Variants in TNNI3K observed in about 807,000 individuals in gnomAD.
TNNI3K encodes the protein serine/threonine-protein kinase TNNI3K.
TNNI3K carries 140 observed loss-of-function variants against 114.5 expected under a neutral mutation model. The observed-to-expected ratio is 1.22, with a 90% CI of 1.07 to 1.41. TNNI3K has a LOEUF of 1.41. Among genes scored for constraint, TNNI3K ranks in the 40% most tolerant of loss-of-function variants. The pLI, the probability that TNNI3K is intolerant of heterozygous loss-of-function variation, is 0.00. For synonymous variants in TNNI3K, 347 were observed against 347.5 expected, an observed-to-expected ratio of 1.00 and a Z score of 0.02; for missense variants, 1,125 against 1,007.6, an observed-to-expected ratio of 1.12 and a Z score of -1.58.
chr1:74,388,475 T>C (rs1663602598), intron 17 of TNNI3K, among the ~76,000 whole-genome samples: 1 of 152,100 alleles, frequency 6.6e-6, no homozygotes, highest in Non-Finnish European at 1.5e-5. Flanking sequence ...ATATTAAAAA[T>C]ATACCTTTTA....
At chr1:74,452,727 C>CA (rs45600539) in intron 20 of TNNI3K, among the ~76,000 whole-genome samples, 4,280 of 152,172 alleles carry the variant, frequency 0.028, 187 homozygotes, top group African/African-American at 0.098. Flanking sequence ...AAGATAAAAA[C>CA]AAAACATCTT....
chr1:74,480,701 A>C (rs1668449129), intron 21 of TNNI3K: 1 of 717,302 alleles, frequency 1.4e-6, no homozygotes, highest in African/African-American at 1.7e-5. Flanking sequence ...TAGGGTGCGG[A>C]GAGCATTATT....
At chr1:74,311,540 A>G (rs935132752) in intron 5 of TNNI3K, among the ~76,000 whole-genome samples, 4 of 152,220 alleles carry the variant, frequency 2.6e-5, no homozygotes, top group African/African-American at 9.6e-5. Flanking sequence ...GAAACATGAA[A>G]TATGACAAAA....
chr1:74,348,125 T>C (rs2100459405), intron 9 of TNNI3K, among the ~76,000 whole-genome samples: 1 of 152,318 alleles, frequency 6.6e-6, no homozygotes, highest in Non-Finnish European at 1.5e-5. Context: ...GTTTTTATGG[T>C]TTTAGGTCTA....
At chr1:74,408,026 C>T (rs1045106963) in intron 17 of TNNI3K, among the ~76,000 whole-genome samples, 1 of 152,132 alleles carries the variant, frequency 6.6e-6, no homozygotes, top group African/African-American at 2.4e-5. Context: ...ACCACTACCA[C>T]TCCCATACAG....
intron 23 of TNNI3K, among the ~76,000 whole-genome samples, chr1:74,538,235 A>G (rs1252740027): frequency 6.6e-6 from 1 of 152,152 alleles, no homozygotes; most frequent in Non-Finnish European, 1.5e-5. Flanking sequence ...ATTGTAGAAT[A>G]CAAGACACAG....
intron 23 of TNNI3K, among the ~76,000 whole-genome samples, chr1:74,506,804 T>G (rs1669927239): frequency 2.0e-5 from 3 of 152,218 alleles, no homozygotes; most frequent in Admixed American, 2.0e-4. Flanking sequence ...ATTTTTTTCC[T>G]TCTCCAAGGT....
chr1:74,328,194 A>G (rs1333031), intron 5 of TNNI3K, among the ~76,000 whole-genome samples: 127,608 of 152,034 alleles, frequency 0.84, 54,197 homozygotes, highest in Middle Eastern at 0.91. Flanking sequence ...AATACATCCA[A>G]TTTAACAATT....
chr1:74,235,390 C>T lies in TNNI3K; in HGVS notation c.-62C>T. The stretch of plus-strand genomic sequence containing the variant: ...ATTTTTCAACTGGACTGTCACTGCA[C>T]TTGAACTTGGAATCTTATAACTTGA... On this transcript the variant is annotated 5_prime_UTR_variant, in exon 1 of 25. Coordinates refer to ENST00000326637, the MANE Select transcript of TNNI3K (RefSeq NM_015978.3). The T allele has an allele frequency of 8.3e-7, 1 of 1,199,420 alleles. No individual in the cohort carries two copies. Among genetic ancestry groups the T allele is most frequent in the Non-Finnish European group, 1.2e-6 (1 of 833,514 alleles). The allele number at this position is 1,199,420 out of a possible 1,614,324, so 74.3% of individuals were successfully genotyped here. A position where few individuals can be genotyped will look rare whatever the true frequency, so the allele number is the denominator to read the frequency against.
intron 23 of TNNI3K, among the ~76,000 whole-genome samples, chr1:74,506,137 C>A (rs1669886299): frequency 6.6e-6 from 1 of 152,138 alleles, no homozygotes; most frequent in South Asian, 2.1e-4. Context: ...GATGGCAATA[C>A]AGACCTGGCC....
intron 21 of TNNI3K, among the ~76,000 whole-genome samples, chr1:74,478,692 C>G (rs997326753): frequency 6.6e-6 from 1 of 152,180 alleles, no homozygotes; most frequent in African/African-American, 2.4e-5. Context: ...ACCTGTTTCA[C>G]TTTGCTTAAC....
chr1:74,323,155 T>C (rs1032357052), intron 5 of TNNI3K, among the ~76,000 whole-genome samples: 2 of 152,168 alleles, frequency 1.3e-5, no homozygotes, highest in Non-Finnish European at 2.9e-5. Context: ...GCTGGTAATA[T>C]GACTATCACT....
intron 17 of TNNI3K, among the ~76,000 whole-genome samples, chr1:74,387,493 T>C (rs1423996584): frequency 6.6e-6 from 1 of 152,194 alleles, no homozygotes; most frequent in Non-Finnish European, 1.5e-5. Context: ...AAGAGAACCA[T>C]AGGGACTTCC....
intron 13 of TNNI3K, among the ~76,000 whole-genome samples, chr1:74,368,205 A>C (rs1399603812): frequency 6.6e-6 from 1 of 151,840 alleles, no homozygotes; most frequent in Non-Finnish European, 1.5e-5. Context: ...TTCTCACTGG[A>C]CTGTTTAGAT....
chr1:74,486,733 A>G (rs966916889), intron 21 of TNNI3K, among the ~76,000 whole-genome samples: 2 of 152,120 alleles, frequency 1.3e-5, no homozygotes, highest in African/African-American at 2.4e-5. Context: ...TCTTGGGGCA[A>G]TAAAAAGCTT....
intron 5 of TNNI3K, among the ~76,000 whole-genome samples, chr1:74,301,323 C>T (rs1166709088): frequency 6.6e-6 from 1 of 151,982 alleles, no homozygotes; most frequent in Non-Finnish European, 1.5e-5. Context: ...TTGCTGGAAC[C>T]CAGGAGGCAG....
Position 74,445,603 on chromosome 1 carries a change from C to CTTTTTTT in TNNI3K, c.2011+5983_2011+5989dup. 3.2e-4 allele frequency among the ~76,000 whole-genome samples: 42 copies of CTTTTTTT among 131,138 alleles called. 3 individuals carry two copies. The highest frequency in any genetic ancestry group is 1.3e-3 in the African/African-American group (42 of 32,660). The allele number at this position is 131,138 out of a possible 152,430, so 86.0% of individuals were successfully genotyped here. A position where few individuals can be genotyped will look rare whatever the true frequency, so the allele number is the denominator to read the frequency against. On this transcript the variant is annotated intron_variant, in intron 20 of 24. Coordinates refer to ENST00000326637, the MANE Select transcript of TNNI3K (RefSeq NM_015978.3). ...CCATGGTGTATATGTTCCACATTTT[C>CTTTTTTT]TTTTTTTTCTTTTTTTCTTTTTTTT...
At chr1:74,447,105 G>A (rs924139567) in intron 20 of TNNI3K, among the ~76,000 whole-genome samples, 5 of 151,298 alleles carry the variant, frequency 3.3e-5, no homozygotes, top group Admixed American at 6.6e-5. Flanking sequence ...GATGGGAATG[G>A]CATTGAATCT....
intron 23 of TNNI3K, among the ~76,000 whole-genome samples, chr1:74,510,418 G>A (rs546683032): frequency 6.6e-6 from 1 of 152,300 alleles, no homozygotes; most frequent in Admixed American, 6.5e-5. Flanking sequence ...TGAGGCAGGA[G>A]AATGGCTTGA....
Sources: gnomAD v4.1 joint callset for allele counts (sites outside exome capture counted in the v4.1 genomes callset) on GRCh38, gnomAD v4.1.1 for gene constraint, MANE v1.5 for transcripts, NCBI Gene and HGNC (gene_info 2026-07-23, HGNC 2026-07-21) for gene names.